The following CEP76 variants were observed in gnomAD, a reference collection of about 807,000 sequenced individuals.
CEP76 encodes centrosomal protein 76, also known as centrosomal protein of 76 kDa.
Under a neutral mutation model 83.3 loss-of-function variants are expected in CEP76, and 55 were observed. The observed-to-expected ratio is 0.66, with a 90% CI of 0.53 to 0.83. CEP76 has a LOEUF of 0.83. CEP76 is among the 40% of genes least tolerant of loss of function. The pLI is 0.00. For missense variants in CEP76, 694 were observed against 799.5 expected, an observed-to-expected ratio of 0.87 and a Z score of 1.59; for synonymous variants, 270 against 274.5, an observed-to-expected ratio of 0.98 and a Z score of 0.16.
At chr18:12,675,562 CTTATATA>C (rs2039093441) in intron 10 of CEP76, among the ~76,000 whole-genome samples, 1 of 152,066 alleles carries the variant, frequency 6.6e-6, no homozygotes, top group South Asian at 2.1e-4. Flanking sequence ...CTCTATAAAA[CTTATATA>C]CTGTAAGAGA....
chr18:12,685,431 G>C (rs1387323365), intron 8 of CEP76: 1 of 152,110 alleles, frequency 6.6e-6, no homozygotes, highest in Non-Finnish European at 1.5e-5. Flanking sequence ...TTTAGTACTT[G>C]TAGGTCCCTA....
intron 12 of CEP76, among the ~76,000 whole-genome samples, chr18:12,667,415 C>G (rs2038824615): frequency 1.3e-5 from 2 of 151,884 alleles, no homozygotes; most frequent in Admixed American, 6.6e-5. Flanking sequence ...TATGATCACA[C>G]CACTGCACTC....
At position 12,673,460 on chromosome 18, in the gene CEP76, C is replaced by G. The variant is rs771629415; in HGVS notation, c.1885G>C (p.Val629Leu). The change falls in exon 12 of 12, where the codon GTG becomes CTG. Residue 629 changes from valine (V) to leucine (L), a missense_variant. Transcript: ENST00000262127. ...EEIICCRGDQ[V>L]RLAVRVRVFT... Reference sequence around the variant, plus strand: ...ACTCGGACACGAACTGCCAGTCGCACTTGGTCTCCACGGCAACAGATTATT... The same window carrying G: ...ACTCGGACACGAACTGCCAGTCGCAGTTGGTCTCCACGGCAACAGATTATT... 3.8e-6 allele frequency: 6 copies of G among 1,589,126 alleles called. No homozygotes were observed. The East Asian group carries it at 1.4e-4, about 37-fold the overall frequency.
chr18:12,684,897 T>C (rs1568019678), intron 8 of CEP76: 1 of 152,212 alleles, frequency 6.6e-6, no homozygotes, highest in African/African-American at 2.4e-5. Flanking sequence ...TCAAAAAGTG[T>C]AATTAAATAT....
intron 7 of CEP76, among the ~76,000 whole-genome samples, chr18:12,688,212 G>A (rs2039616399): frequency 7.7e-6 from 1 of 130,198 alleles, no homozygotes; most frequent in East Asian, 2.3e-4. Context: ...GCCTGGGCGA[G>A]AGCGAGACTC....
At chr18:12,675,067 G>A (rs2039073350) in intron 10 of CEP76, among the ~76,000 whole-genome samples, 3 of 128,410 alleles carry the variant, frequency 2.3e-5, no homozygotes, top group South Asian at 4.6e-4. Context: ...TGGAGGACAG[G>A]TATAATTCTT....
intron 12 of CEP76, among the ~76,000 whole-genome samples, chr18:12,663,001 A>G (rs1381519380): frequency 1.3e-5 from 2 of 152,186 alleles, no homozygotes; most frequent in East Asian, 1.9e-4. Context: ...AGCTTCAACT[A>G]GTTAAGAAGA....
downstream of CEP76, among the ~76,000 whole-genome samples, chr18:12,669,803 C>A (rs568308483): frequency 6.6e-6 from 1 of 151,858 alleles, no homozygotes; most frequent in South Asian, 2.1e-4. Context: ...GAGTTTGAGA[C>A]CCTCCTGACC....
chr18:12,688,356 A>G (rs2145055580), intron 7 of CEP76, among the ~76,000 whole-genome samples: 1 of 152,268 alleles, frequency 6.6e-6, no homozygotes, highest in East Asian at 1.9e-4. Context: ...CTATAGCAAA[A>G]CCAGCTAACA....
At chr18:12,678,577 A>G in intron 9 of CEP76, 135 bp from the exon 10 acceptor site, 2 of 602,972 alleles carry the variant, frequency 3.3e-6, no homozygotes, top group Admixed American at 6.3e-5. Flanking sequence ...TTTCTTTTTT[A>G]TATTTCCACA....
At chr18:12,661,964 TTTG>T (rs2038700822) in exon 13 of CEP76, 6 of 256,604 alleles carry the variant, frequency 2.3e-5, no homozygotes, top group Admixed American at 5.0e-5. Flanking sequence ...ATGATTTTGT[TTTG>T]TTGATTTTGT....
intron 7 of CEP76, 107 bp from the exon 8 acceptor site, chr18:12,686,557 G>A (rs953109574): frequency 7.4e-6 from 6 of 812,962 alleles, no homozygotes; most frequent in South Asian, 3.4e-5. Flanking sequence ...ACCATTGATC[G>A]AGTGCTTACC....
intron 10 of CEP76, among the ~76,000 whole-genome samples, chr18:12,676,279 C>CTTTTTTTTT (rs1157897766): frequency 9.4e-6 from 1 of 106,406 alleles, no homozygotes; most frequent in Non-Finnish European, 1.9e-5. Flanking sequence ...ACAGTAATTC[C>CTTTTTTTTT]TTTTTTTTTT....
downstream of CEP76, among the ~76,000 whole-genome samples, chr18:12,669,401 C>T (rs138063111): frequency 3.9e-5 from 6 of 152,042 alleles, no homozygotes; most frequent in South Asian, 2.1e-4. Flanking sequence ...CATGAGCCAC[C>T]GCGCCTGGCC....
rs752736406 is a variant in CEP76 at position 12,697,278 on chromosome 18, C to T, written c.651G>A (p.Ser217=). 3.8e-5 allele frequency: 61 copies of T among 1,613,886 alleles called. No individual in the cohort carries two copies. The highest frequency in any genetic ancestry group is 5.3e-5 in the African/African-American group (4 of 74,916). Reference sequence around the variant, plus strand: ...TCACTCCATTTTCTGAGCCCAAAACCGATCGCCATTCCAGAAAATATGATG... The same window carrying T: ...TCACTCCATTTTCTGAGCCCAAAACTGATCGCCATTCCAGAAAATATGATG... ...LVASYFLEWR[S]VLGSENGVTS... Residue 217 remains serine (S), a synonymous_variant, in exon 5 of 12, where the codon TCG becomes TCA. Transcript: ENST00000262127.
Position 12,691,626 on chromosome 18 carries a change from C to T in CEP76, c.805-139G>A, listed in dbSNP as rs1441142485. 5 of 574,350 alleles carry T rather than the reference C, an allele frequency of 8.7e-6. No homozygotes were observed. The South Asian group carries it at 1.0e-4, about 12-fold the overall frequency. 35.6% of individuals were successfully genotyped at this position (574,350 alleles called of 1,614,324 possible). A position where few individuals can be genotyped will look rare whatever the true frequency, so the allele number is the denominator to read the frequency against. On this transcript the variant is annotated intron_variant, in intron 6 of 11. Transcript: ENST00000262127. ...ATCATCTTCTATAAGAGCCTCCTGA[C>T]TTCCCTATTTCTACACTTACCCCTA... is the stretch of plus-strand genomic sequence containing the variant.
rs369949885 is a variant in CEP76 at position 12,691,952 on chromosome 18, C to T, written c.805-465G>A. Reference sequence around the variant, plus strand: ...GTCAAGCTAGTCTTGAACTCCTGAGCTCATGATCCGCCCGCCTTGGCCTCC... The same window carrying T: ...GTCAAGCTAGTCTTGAACTCCTGAGTTCATGATCCGCCCGCCTTGGCCTCC... On this transcript the variant is annotated intron_variant, in intron 6 of 11. Coordinates refer to ENST00000262127, the MANE Select transcript of CEP76 (RefSeq NM_024899.4). Among the ~76,000 whole-genome samples, 36 of 152,186 alleles carry T rather than the reference C, an allele frequency of 2.4e-4. 1 individual carries two copies. The East Asian group carries it at 5.1e-3, about 21-fold the overall frequency.
rs776776734 is a variant in CEP76, at chr18:12,695,242, A to C, written c.804+12T>G. ...CAAACACACAAAAAAAGAGAAACTC[A>C]TAAGTATTTACCTGTGTGTTCACTA... On this transcript the variant is annotated intron_variant, in intron 6 of 11. Coordinates refer to ENST00000262127, the MANE Select transcript of CEP76 (RefSeq NM_024899.4). 22 of 1,241,388 alleles carry C rather than the reference A, an allele frequency of 1.8e-5. No individual in the cohort carries two copies. The highest frequency in any genetic ancestry group is 7.3e-5 in the East Asian group (3 of 41,216). The allele number at this position is 1,241,388 out of a possible 1,614,324, so 76.9% of individuals were successfully genotyped here. A position where few individuals can be genotyped will look rare whatever the true frequency, so the allele number is the denominator to read the frequency against.
chr18:12,699,924 A>G lies in CEP76; in HGVS notation c.220-19T>C, dbSNP rs1179058972. On this transcript the variant is annotated intron_variant, in intron 2 of 11. Transcript: ENST00000262127. ...CACTGTCCTAGAAAGGCAGGAAAAA[A>G]AAATCAAAACAAATTAGAAAACAAT... 6.6e-7 allele frequency: 1 copy of G among 1,515,350 alleles called. No homozygotes were observed. The allele number at this position is 1,515,350 out of a possible 1,614,324, so 93.9% of individuals were successfully genotyped here.
Sources: gnomAD v4.1 joint callset for allele counts (sites outside exome capture counted in the v4.1 genomes callset) on GRCh38, gnomAD v4.1.1 for gene constraint, MANE v1.5 for transcripts, NCBI Gene and HGNC (gene_info 2026-07-23, HGNC 2026-07-21) for gene names.